ZNF474: variants seen among roughly 807,000 people sequenced by gnomAD.
ZNF474 encodes 4933409D10Rik.
For synonymous variants in ZNF474, 192 were observed against 162.2 expected, an observed-to-expected ratio of 1.18 and a Z score of -1.39; for missense variants, 511 against 433.8, an observed-to-expected ratio of 1.18 and a Z score of -1.58.
At position 122,153,287 on chromosome 5, in the gene ZNF474, A is replaced by G. The variant is rs1756249008; in HGVS notation, c.*202A>G. 1.8e-6 allele frequency: 1 copy of G among 553,966 alleles called. No individual in the cohort carries two copies. The highest frequency in any genetic ancestry group is 3.1e-6 in the Non-Finnish European group (1 of 327,320). The allele number at this position is 553,966 out of a possible 1,614,324, so 34.3% of individuals were successfully genotyped here. On this transcript the variant is annotated 3_prime_UTR_variant, in exon 2 of 2. Coordinates refer to ENST00000296600, the MANE Select transcript of ZNF474 (RefSeq NM_207317.3). ...TTCCTCTTCAATTCTGCTGTCTAAA[A>G]GAAGAAGAGATGGACTTCTTTCTTC...
chr5:122,148,841 A>G (rs1233664857), intron 1 of ZNF474, among the ~76,000 whole-genome samples: 1 of 151,548 alleles, frequency 6.6e-6, no homozygotes, highest in East Asian at 1.9e-4. Flanking sequence ...GATTCAAGCG[A>G]TTCTCCTGTC....
chr5:122,131,057 G>A (rs890355880), intron 1 of ZNF474, among the ~76,000 whole-genome samples: 15 of 152,198 alleles, frequency 9.9e-5, no homozygotes, highest in African/African-American at 3.4e-4. Flanking sequence ...ATATGAAGAT[G>A]CTCACCATCA....
rs755150950 is a variant in ZNF474, at chr5:122,152,130, G to C, written c.140G>C (p.Ser47Thr). ...SYSSLSPETE[S>T]VNPGENIKTD... The stretch of plus-strand genomic sequence containing the variant: ...TCTAGCCTTTCCCCAGAAACAGAGA[G>C]TGTTAATCCTGGTGAAAATATAAAG... Residue 47 changes from serine (S) to threonine (T), a missense_variant, in exon 2 of 2, where the codon AGT (serine) becomes ACT (threonine). Physicochemically the swap from Ser to Thr is moderately conservative, Grantham distance 58. Transcript: ENST00000296600. 22 of 1,614,084 alleles carry C rather than the reference G, an allele frequency of 1.4e-5. No individual in the cohort carries two copies.
At position 122,152,848 on chromosome 5, in the gene ZNF474, C is replaced by T. The variant is rs1756233083; in HGVS notation, c.858C>T (p.Phe286=). 6.2e-7 allele frequency: 1 copy of T among 1,614,176 alleles called. No individual in the cohort carries two copies. Among genetic ancestry groups the T allele is most frequent in the South Asian group, 1.1e-5 (1 of 91,080 alleles). Reference sequence around the variant, plus strand: ...GACCAAATCAAGCTCAGCTTGTGTTCTGCCCACATTGTAGCCGAATCTTTA... The same window carrying T: ...GACCAAATCAAGCTCAGCTTGTGTTTTGCCCACATTGTAGCCGAATCTTTA... The part of the protein sequence containing the change: ...QAGPNQAQLV[F]CPHCSRIFTS... Residue 286 remains phenylalanine, a synonymous_variant, in exon 2 of 2, where the codon TTC becomes TTT. Transcript: ENST00000296600.
At chr5:122,151,258 T>G (rs1756161169) in intron 1 of ZNF474, among the ~76,000 whole-genome samples, 1 of 152,202 alleles carries the variant, frequency 6.6e-6, no homozygotes, top group Non-Finnish European at 1.5e-5. Context: ...AATTTTTATT[T>G]TTACTTATAA....
intron 1 of ZNF474, among the ~76,000 whole-genome samples, chr5:122,141,532 C>T (rs1755846932): frequency 6.6e-6 from 1 of 152,044 alleles, no homozygotes; most frequent in South Asian, 2.1e-4. Context: ...TGTTCTTGAT[C>T]TCTTGACCTC....
intron 1 of ZNF474, among the ~76,000 whole-genome samples, chr5:122,130,801 C>G (rs1755557477): frequency 6.6e-6 from 1 of 152,132 alleles, no homozygotes; most frequent in Non-Finnish European, 1.5e-5. Context: ...CACAATCAAG[C>G]TAATTGAAGT....
chr5:122,138,015 A>G (rs191967961), intron 1 of ZNF474, among the ~76,000 whole-genome samples: 3 of 152,338 alleles, frequency 2.0e-5, no homozygotes, highest in Non-Finnish European at 2.9e-5. Context: ...AACCACTTCA[A>G]TGCTAGATAT....
At chr5:122,146,600 T>G (rs1755996257) in intron 1 of ZNF474, among the ~76,000 whole-genome samples, 1 of 152,196 alleles carries the variant, frequency 6.6e-6, no homozygotes. Context: ...TCACCAGTAT[T>G]AAAATACAGA....
At chr5:122,135,092 T>A (rs1437958163) in intron 1 of ZNF474, among the ~76,000 whole-genome samples, 1 of 152,166 alleles carries the variant, frequency 6.6e-6, no homozygotes. Context: ...ATTTGCAAAC[T>A]ACCCATCTGA....
intron 1 of ZNF474, chr5:122,147,993 C>G (rs949460659): frequency 6.6e-6 from 1 of 152,206 alleles, no homozygotes; most frequent in African/African-American, 2.4e-5. Flanking sequence ...GAACATTTCT[C>G]CAGAGATGCT....
At chr5:122,141,505 T>G (rs1334614382) in intron 1 of ZNF474, among the ~76,000 whole-genome samples, 1 of 151,950 alleles carries the variant, frequency 6.6e-6, no homozygotes, top group East Asian at 1.9e-4. Context: ...GACGGGATTT[T>G]GTCATGTTGG....
chr5:122,151,968 A>AC lies in ZNF474; in HGVS notation c.-22dup. 6.3e-7 allele frequency: 1 copy of AC among 1,593,144 alleles called. No homozygotes were observed. Among genetic ancestry groups the AC allele is most frequent in the Non-Finnish European group, 8.5e-7 (1 of 1,173,960 alleles). On this transcript the variant is annotated 5_prime_UTR_variant, in exon 2 of 2. Coordinates refer to ENST00000296600, the MANE Select transcript of ZNF474 (RefSeq NM_207317.3). Reference sequence around the variant, plus strand: ...AGTCTGGCCTGAAATCAGAGCAAGCACTACAGAAAGACATCTTTGTTAATG... The same window carrying AC: ...AGTCTGGCCTGAAATCAGAGCAAGCACCTACAGAAAGACATCTTTGTTAATG...
At chr5:122,135,959 T>C (rs565514380) in intron 1 of ZNF474, among the ~76,000 whole-genome samples, 1 of 151,836 alleles carries the variant, frequency 6.6e-6, no homozygotes, top group South Asian at 2.1e-4. Context: ...CTCATTGAGA[T>C]AGAGAGTAAA....
At chr5:122,134,537 G>C (rs1462793148) in intron 1 of ZNF474, among the ~76,000 whole-genome samples, 6 of 152,172 alleles carry the variant, frequency 3.9e-5, no homozygotes, top group Non-Finnish European at 7.3e-5. Context: ...GCCATTGTAG[G>C]GCAAAAGCAG....
At chr5:122,138,428 A>G (rs1365151787) in intron 1 of ZNF474, among the ~76,000 whole-genome samples, 1 of 152,240 alleles carries the variant, frequency 6.6e-6, no homozygotes, top group Non-Finnish European at 1.5e-5. Flanking sequence ...CTCACCACCA[A>G]TGAGACTTCT....
intron 1 of ZNF474, among the ~76,000 whole-genome samples, chr5:122,144,147 C>A (rs1482265156): frequency 6.6e-6 from 1 of 152,062 alleles, no homozygotes; most frequent in Non-Finnish European, 1.5e-5. Context: ...CCCTCCTAGA[C>A]CGAAGCATTT....
At chr5:122,130,127 G>T (rs931239918) in intron 1 of ZNF474, among the ~76,000 whole-genome samples, 10 of 151,922 alleles carry the variant, frequency 6.6e-5, no homozygotes, top group African/African-American at 2.4e-4. Context: ...AAGAAAAGGG[G>T]TATTAAAGGC....
chr5:122,152,958 A>G lies in ZNF474; in HGVS notation c.968A>G (p.Lys323Arg). ...TATCAGAATTTGAATTTAGGGAGTA[A>G]AGGAGGCCTAAAAGAGTACACTAAT... Reference protein sequence around the residue: ...PKYQNLNLGSKGGLKEYTNSK... With the variant: ...PKYQNLNLGSRGGLKEYTNSK... Residue 323 changes from lysine (K) to arginine (R), a missense_variant, in exon 2 of 2, where the codon AAA becomes AGA. Transcript: ENST00000296600. 4 of 1,614,084 alleles carry G rather than the reference A, an allele frequency of 2.5e-6. No homozygotes were observed. Among genetic ancestry groups the G allele is most frequent in the Non-Finnish European group, 3.4e-6 (4 of 1,180,046 alleles).
Sources: allele counts gnomAD v4.1 joint callset (sites outside exome capture counted in the v4.1 genomes callset), GRCh38; gene constraint gnomAD v4.1.1; transcripts MANE v1.5; gene names NCBI Gene and HGNC (gene_info 2026-07-23, HGNC 2026-07-21).